Variants in EPHA8 observed in about 807,000 individuals in gnomAD.
EPHA8 encodes the protein ephrin type-A receptor 8.
A neutral mutation model predicts 103.6 loss-of-function variants in EPHA8; 58 were observed. The ratio of observed to expected loss-of-function variants is 0.56; its 90% CI spans 0.45 to 0.70. The LOEUF (loss-of-function observed/expected upper bound fraction) is 0.70. Among genes scored for constraint, EPHA8 ranks in the 30% least tolerant of loss-of-function variants. The pLI is 0.00. For synonymous variants in EPHA8, 559 were observed against 572.5 expected (o/e 0.98, Z 0.34); for missense variants, 1,304 against 1,395.2 (o/e 0.93, Z 1.04).
chr1:22,583,411 C>T (rs888883638), intron 3 of EPHA8, among the ~76,000 whole-genome samples: 10 of 152,224 alleles, frequency 6.6e-5, no homozygotes, highest in African/African-American at 2.2e-4. Context: ...TGAGCCACAG[C>T]GGCGCAGCCA....
chr1:22,579,260 C>T (rs183234006), intron 3 of EPHA8, among the ~76,000 whole-genome samples: 6 of 146,394 alleles, frequency 4.1e-5, no homozygotes, highest in South Asian at 2.2e-4. Flanking sequence ...TGTACATGTG[C>T]GTGCATGTGT....
At chr1:22,592,424 A>G (rs1641398168) in intron 5 of EPHA8, among the ~76,000 whole-genome samples, 1 of 152,178 alleles carries the variant, frequency 6.6e-6, no homozygotes, top group Non-Finnish European at 1.5e-5. Context: ...AGCTAGCAAG[A>G]GAGGGAGCCA....
chr1:22,582,590 A>G (rs589578), intron 3 of EPHA8, among the ~76,000 whole-genome samples: 1 of 152,182 alleles, frequency 6.6e-6, no homozygotes, highest in Non-Finnish European at 1.5e-5. Context: ...GGGGAATTGG[A>G]GGCCCAGAGA....
chr1:22,578,884 C>T (rs1019054269), intron 3 of EPHA8, among the ~76,000 whole-genome samples: 1 of 135,032 alleles, frequency 7.4e-6, no homozygotes, highest in East Asian at 2.2e-4. Context: ...TCCGTGTGTC[C>T]GTGTGTGCAT....
At chr1:22,565,893 TCAGA>T (rs1356794374) in intron 1 of EPHA8, among the ~76,000 whole-genome samples, 1 of 151,872 alleles carries the variant, frequency 6.6e-6, no homozygotes, top group Non-Finnish European at 1.5e-5. Context: ...CCCACACGAG[TCAGA>T]CAGCCATGGG....
chr1:22,597,147 A>G lies in EPHA8; in HGVS notation c.1766-165A>G, dbSNP rs1641539632. Among the ~76,000 whole-genome samples the G allele has an allele frequency of 6.6e-6, 1 of 151,990 alleles. No homozygotes were observed. Among genetic ancestry groups the G allele is most frequent in the South Asian group, 2.1e-4 (1 of 4,816 alleles). On this transcript the variant is annotated intron_variant, in intron 9 of 16. Transcript: ENST00000166244. The surrounding 1 kb of genome is among the most constrained non-coding windows in gnomAD (Gnocchi z 4.6). ...ACCCCAGAGCGACTCCAGAGACCCC[A>G]CTTTCACTTGGGAAATACTTATGGG...
chr1:22,590,967 A>G (rs964678646), intron 5 of EPHA8, among the ~76,000 whole-genome samples: 1 of 147,328 alleles, frequency 6.8e-6, no homozygotes, highest in African/African-American at 2.5e-5. Flanking sequence ...CTAAAGCCCC[A>G]GGGACCTCCC....
At chr1:22,583,439 G>A (rs1001159272) in intron 3 of EPHA8, among the ~76,000 whole-genome samples, 1 of 152,228 alleles carries the variant, frequency 6.6e-6, no homozygotes, top group Non-Finnish European at 1.5e-5. Context: ...GCTCTGGGAC[G>A]GTGCTGGGAG....
rs146778471 is a variant in EPHA8 at position 22,592,981 on chromosome 1, T to C, written c.1316-345T>C. On this transcript the variant is annotated intron_variant, in intron 5 of 16. Coordinates refer to ENST00000166244, the MANE Select transcript of EPHA8 (RefSeq NM_020526.5). ...GAGGGGCCAGTTCCTCCATTCTTTC[T>C]ACACTTCTTTCTCCTGACCTTTCCT... 1.5e-3 allele frequency among the ~76,000 whole-genome samples: 233 copies of C among 152,286 alleles called. 1 individual carries two copies. Among genetic ancestry groups the C allele is most frequent in the African/African-American group, 5.5e-3 (228 of 41,556 alleles).
rs758807841 is a variant in EPHA8, at chr1:22,600,664, G to A, written c.2392G>A (p.Gly798Arg). Residue 798 changes from glycine (G) to arginine (R), a missense_variant, in exon 14 of 17, where the codon GGG becomes AGG. Coordinates refer to ENST00000166244, the MANE Select transcript of EPHA8 (RefSeq NM_020526.5). ...AACTCTTGTGTGTCCGTCGCAGGGC[G>A]GGAAGATCCCCATCCGCTGGACGGC... is the stretch of plus-strand genomic sequence containing the variant. ...DPDAAYTTTG[G>R]KIPIRWTAPE... 25 of 1,613,098 alleles carry A rather than the reference G, an allele frequency of 1.5e-5. No individual in the cohort carries two copies. The highest frequency in any genetic ancestry group is 8.3e-5 in the Admixed American group (5 of 59,962).
At chr1:22,568,181 C>G (rs940752001) in intron 1 of EPHA8, among the ~76,000 whole-genome samples, 1 of 152,210 alleles carries the variant, frequency 6.6e-6, no homozygotes, top group Non-Finnish European at 1.5e-5. Context: ...TCATCCCACC[C>G]TTAGGTACTA....
chr1:22,593,350 G>C lies in EPHA8; in HGVS notation c.1340G>C (p.Arg447Pro). Reference sequence around the variant, plus strand: ...GCCCCGTCCCAGGTGGTGGTGATCCGTCAAGAGCGGGCGGGGCAGACCAGC... The same window carrying C: ...GCCCCGTCCCAGGTGGTGGTGATCCCTCAAGAGCGGGCGGGGCAGACCAGC... ...QAAPSQVVVI[R>P]QERAGQTSVS... Residue 447 changes from arginine (R) to proline (P), a missense_variant, in exon 6 of 17, where the codon CGT becomes CCT. Arg to Pro is a moderately radical substitution (Grantham distance 103, BLOSUM62 -2). Transcript: ENST00000166244. 1 of 1,578,556 alleles carries C rather than the reference G, an allele frequency of 6.3e-7. No homozygotes were observed. Among genetic ancestry groups the C allele is most frequent in the Non-Finnish European group, 8.6e-7 (1 of 1,162,114 alleles).
In EPHA8 at chr1:22,576,450, C is replaced by T. The variant is rs1272074020; in HGVS notation, c.393C>T (p.Arg131=). 3 of 1,614,018 alleles carry T rather than the reference C, an allele frequency of 1.9e-6. No homozygotes were observed. The highest frequency in any genetic ancestry group is 1.1e-5 in the South Asian group (1 of 91,076). ...ACCTCTACTACCTGGAGTCGGACCG[C>T]GACCTGGGGGCCAGCACACAAGAAA... is the stretch of plus-strand genomic sequence containing the variant. ...TFNLYYLESD[R]DLGASTQESQ... The change falls in exon 3 of 17, where the codon CGC becomes CGT. Residue 131 remains arginine, a synonymous_variant. Transcript: ENST00000166244. This position sits in a 1 kb window ranked among gnomAD's most constrained non-coding sequence, Gnocchi z 4.8.
rs1166416371 is a variant in EPHA8, at chr1:22,563,583, G to A, written c.-53G>A. ...GCTCCCTCCCGACGCGCGGGCCGCA[G>A]CGGCCAAGCCCGAGGGTGCGTGGCG... On this transcript the variant is annotated 5_prime_UTR_variant, in exon 1 of 17. Transcript: ENST00000166244. The surrounding 1 kb of genome is among the most constrained non-coding windows in gnomAD (Gnocchi z 4.4). 1 of 145,274 alleles carries A rather than the reference G, an allele frequency of 6.9e-6. No homozygotes were observed. Among genetic ancestry groups the A allele is most frequent in the Non-Finnish European group, 1.5e-5 (1 of 65,450 alleles). 9.0% of individuals were successfully genotyped at this position (145,274 alleles called of 1,614,324 possible).
intron 16 of EPHA8, 75 bp from the exon 17 acceptor site, chr1:22,601,552 G>A (rs1641734928): frequency 1.3e-6 from 2 of 1,595,356 alleles, no homozygotes; most frequent in East Asian, 4.6e-5. Context: ...TACAGGTCCA[G>A]ATCCATGGCC....
rs1322124147 is a variant in EPHA8 at position 22,576,909 on chromosome 1, C to T, written c.823+29C>T. 6.4e-7 allele frequency: 1 copy of T among 1,552,774 alleles called. No individual in the cohort carries two copies. Among genetic ancestry groups the T allele is most frequent in the Non-Finnish European group, 8.7e-7 (1 of 1,146,212 alleles). On this transcript the variant is annotated intron_variant, in intron 3 of 16. Coordinates refer to ENST00000166244, the MANE Select transcript of EPHA8 (RefSeq NM_020526.5). This position sits in a 1 kb window ranked among gnomAD's most constrained non-coding sequence, Gnocchi z 4.8. ...AGCGCGCCATGGCCTGGGCATGGGT[C>T]AGCCGGCAGCGGTGCTTGGTCTTGG...
chr1:22,576,349 T>C lies in EPHA8; in HGVS notation c.292T>C (p.Tyr98His), dbSNP rs748046093. ...WVPRDGARRVYAEIKFTLRDC... is the reference protein window; with the variant it reads ...WVPRDGARRVHAEIKFTLRDC... ...CCCCCGAGACGGCGCCCGGCGCGTC[T>C]ATGCTGAGATCAAGTTTACCCTGCG... Residue 98 changes from tyrosine (Y) to histidine (H), a missense_variant, in exon 3 of 17, where the codon TAT (tyrosine) becomes CAT (histidine). Physicochemically the swap from Tyr to His is moderately conservative, Grantham distance 83. Coordinates refer to ENST00000166244, the MANE Select transcript of EPHA8 (RefSeq NM_020526.5). This position sits in a 1 kb window ranked among gnomAD's most constrained non-coding sequence, Gnocchi z 4.8. The C allele has an allele frequency of 1.2e-6, 2 of 1,613,498 alleles. No homozygotes were observed. Among genetic ancestry groups the C allele is most frequent in the Non-Finnish European group, 1.7e-6 (2 of 1,179,964 alleles).
chr1:22,598,794 G>A lies in EPHA8; in HGVS notation c.2179-44G>A, dbSNP rs558626516. 19 of 1,591,860 alleles carry A rather than the reference G, an allele frequency of 1.2e-5. No individual in the cohort carries two copies. The highest frequency in any genetic ancestry group is 2.2e-5 in the South Asian group (2 of 90,158). Reference sequence around the variant, plus strand: ...AGGTGTTCCTGTTCACGGACCAGGCGCCTCGCCGGGCTTTCCTGAAGTCCA... The same window carrying A: ...AGGTGTTCCTGTTCACGGACCAGGCACCTCGCCGGGCTTTCCTGAAGTCCA... On this transcript the variant is annotated intron_variant, in intron 12 of 16. Coordinates refer to ENST00000166244, the MANE Select transcript of EPHA8 (RefSeq NM_020526.5). This position sits in a 1 kb window ranked among gnomAD's most constrained non-coding sequence, Gnocchi z 5.1.
At position 22,596,155 on chromosome 1, in the gene EPHA8, C is replaced by T. The variant is rs773202551; in HGVS notation, c.1747C>T (p.His583Tyr). The change falls in exon 9 of 17, where the codon CAC becomes TAC. Residue 583 changes from histidine to tyrosine, a missense_variant. Physicochemically the swap from His to Tyr is moderately conservative, Grantham distance 83. Coordinates refer to ENST00000166244, the MANE Select transcript of EPHA8 (RefSeq NM_020526.5). Reference protein sequence around the residue: ...AFQDSDEEKMHYQNGQAPPPV... With the variant: ...AFQDSDEEKMYYQNGQAPPPV... Reference sequence around the variant, plus strand: ...CCAGGACTCGGACGAGGAGAAGATGCACTATCAGAATGGACAGGGTGAGTG... The same window carrying T: ...CCAGGACTCGGACGAGGAGAAGATGTACTATCAGAATGGACAGGGTGAGTG... 1.1e-5 allele frequency: 18 copies of T among 1,613,820 alleles called. 1 individual carries two copies. The Admixed American group carries it at 1.8e-4, about 16-fold the overall frequency.
Sources: allele counts gnomAD v4.1 joint callset (sites outside exome capture counted in the v4.1 genomes callset), GRCh38; gene constraint gnomAD v4.1.1; non-coding constraint Gnocchi (gnomAD v3.1); transcripts MANE v1.5; gene names NCBI Gene and HGNC (gene_info 2026-07-23, HGNC 2026-07-21).